The following TAGAP variants were observed in gnomAD, a reference collection of about 807,000 sequenced individuals.
TAGAP encodes T cell activation RhoGTPase activating protein.
A neutral mutation model predicts 36.0 loss-of-function variants in TAGAP; 16 were observed. That is an observed-to-expected ratio of 0.44 (90% CI 0.30 to 0.68). TAGAP has a LOEUF of 0.68. Ranked by LOEUF, TAGAP falls within the 30% of genes least tolerant of loss-of-function variation. The pLI is 0.09. For synonymous variants in TAGAP, 372 were observed against 377.4 expected (o/e 0.99, Z 0.17); for missense variants, 794 against 921.5 (o/e 0.86, Z 1.79).
chr6:159,039,077 A>C (rs760329618), intron 8 of TAGAP, 37 bp downstream of exon 8: 3 of 1,613,376 alleles, frequency 1.9e-6, no homozygotes, highest in Non-Finnish European at 2.5e-6. Flanking sequence ...TGGTGAGATC[A>C]TAAGTTGGGG....
Position 159,040,794 on chromosome 6 carries a change from G to A in TAGAP, c.516C>T (p.Ser172=), listed in dbSNP as rs375154243. The change falls in exon 7 of 10, where the codon AGC becomes AGT. Residue 172 remains serine (S), a synonymous_variant. Coordinates refer to ENST00000367066, the MANE Select transcript of TAGAP (RefSeq NM_054114.5). ...LRSIPRKLLS[S]DLFEEWMGAL... ...CACCCATCCACTCCTCAAAGAGGTC[G>A]CTTGAAAGTAGCTTCCGGGGGATAC... 2.0e-5 allele frequency: 32 copies of A among 1,614,050 alleles called. No homozygotes were observed. The African/African-American group carries it at 2.4e-4, about 12-fold the overall frequency.
In TAGAP at chr6:159,036,211, T is replaced by C; in HGVS notation, c.1812A>G (p.Ala604=). 1 of 1,610,586 alleles carries C rather than the reference T, an allele frequency of 6.2e-7. No homozygotes were observed. Among genetic ancestry groups the C allele is most frequent in the Non-Finnish European group, 8.5e-7 (1 of 1,178,766 alleles). Residue 604 remains alanine, a synonymous_variant, in exon 10 of 10, where the codon GCA becomes GCG. Transcript: ENST00000367066. This position sits in a 1 kb window ranked among gnomAD's most constrained non-coding sequence, Gnocchi z 4.9. ...PSYEEAMQGP[A]ARLVASESQT... is the part of the protein sequence containing the mutation. Reference sequence around the variant, plus strand: ...GGCTCTCGGAGGCCACTAGTCTGGCTGCCGGGCCCTGCATGGCCTCTTCAT... The same window carrying C: ...GGCTCTCGGAGGCCACTAGTCTGGCCGCCGGGCCCTGCATGGCCTCTTCAT...
rs767116709 is a variant in TAGAP at position 159,042,252 on chromosome 6, C to T, written c.149-8G>A. The T allele has an allele frequency of 6.2e-7, 1 of 1,602,040 alleles. No homozygotes were observed. Among genetic ancestry groups the T allele is most frequent in the East Asian group, 2.2e-5 (1 of 44,804 alleles). On this transcript the variant is annotated splice_polypyrimidine_tract_variant and splice_region_variant and intron_variant, in intron 4 of 9. Transcript: ENST00000367066. The stretch of plus-strand genomic sequence containing the variant: ...TCTTTCTCTTCTTAACTTCTACAGC[C>T]AAGAAAACAAGGCAACGAGAAAAAT...
intron 6 of TAGAP, 131 bp from the exon 7 acceptor site, chr6:159,040,963 T>C: frequency 1.5e-6 from 1 of 675,420 alleles, no homozygotes; most frequent in Non-Finnish European, 2.6e-6. Flanking sequence ...CCTTCATTCC[T>C]GCATTTGATG....
In TAGAP at chr6:159,043,637, G is replaced by A. The variant is rs1408272645; in HGVS notation, c.100C>T (p.Pro34Ser). The change falls in exon 4 of 10, where the codon CCC (proline) becomes TCC (serine). Residue 34 changes from proline (P) to serine (S), a missense_variant. By Grantham distance (74) the Pro-to-Ser change is moderately conservative (BLOSUM62 -1). Coordinates refer to ENST00000367066, the MANE Select transcript of TAGAP (RefSeq NM_054114.5). Reference sequence around the variant, plus strand: ...TCACTCTCACATGATGCCAACAGGGGATGTTCCTTGATATCACCCTAAAAA... The same window carrying A: ...TCACTCTCACATGATGCCAACAGGGAATGTTCCTTGATATCACCCTAAAAA... Reference protein sequence around the residue: ...CQSEGDIKEHPLLASCESEDS... With the variant: ...CQSEGDIKEHSLLASCESEDS... 4 of 1,613,886 alleles carry A rather than the reference G, an allele frequency of 2.5e-6. No homozygotes were observed. The African/African-American group carries it at 5.3e-5, about 22-fold the overall frequency.
At chr6:159,040,365 T>C (rs1386952575) in intron 7 of TAGAP, among the ~76,000 whole-genome samples, 1 of 152,206 alleles carries the variant, frequency 6.6e-6, no homozygotes, top group Non-Finnish European at 1.5e-5. Flanking sequence ...AGCTTAAAGA[T>C]AATCCCGAAT....
rs771608749 is a variant in TAGAP at position 159,035,878 on chromosome 6, C to T, written c.2145G>A (p.Gln715=). ...GGAATTGGTCAGCCTCAAAGACCGG[C>T]TGGCTACATCGTCGCACGAGACAGT... is the stretch of plus-strand genomic sequence containing the variant. ...KRDCLVRRCS[Q]PVFEADQFQY... The change falls in exon 10 of 10, where the codon CAG becomes CAA. Residue 715 remains glutamine (Q), a synonymous_variant. Transcript: ENST00000367066. 1 of 1,610,820 alleles carries T rather than the reference C, an allele frequency of 6.2e-7. No homozygotes were observed. The highest frequency in any genetic ancestry group is 8.5e-7 in the Non-Finnish European group (1 of 1,177,234).
rs765437105 is a variant in TAGAP at position 159,036,853 on chromosome 6, G to A, written c.1170C>T (p.Ser390=). The A allele has an allele frequency of 9.9e-6, 16 of 1,614,116 alleles. No homozygotes were observed. The African/African-American group carries it at 2.1e-4, about 22-fold the overall frequency. The stretch of plus-strand genomic sequence containing the variant: ...TTGTTAGTGTTTGGTTTGTCACCCG[G>A]CTCTCGAGGCACTCCTGGGAGGATG... ...SMPSSQECLE[S]RVTNQTLTKS... The change falls in exon 10 of 10, where the codon AGC becomes AGT. Residue 390 remains serine (S), a synonymous_variant. Transcript: ENST00000367066. This position sits in a 1 kb window ranked among gnomAD's most constrained non-coding sequence, Gnocchi z 4.9.
intron 7 of TAGAP, among the ~76,000 whole-genome samples, chr6:159,039,681 A>G (rs796078432): frequency 5.3e-5 from 8 of 152,348 alleles, no homozygotes; most frequent in African/African-American, 1.9e-4. Context: ...TCTGTTTCTA[A>G]CACGACTAGA....
At position 159,035,976 on chromosome 6, in the gene TAGAP, C is replaced by T; in HGVS notation, c.2047G>A (p.Val683Met). Residue 683 changes from valine (V) to methionine (M), a missense_variant, in exon 10 of 10, where the codon GTG (valine) becomes ATG (methionine). Coordinates refer to ENST00000367066, the MANE Select transcript of TAGAP (RefSeq NM_054114.5). ...AGCTCAGGTCTCCCTGGGCCAGACA[C>T]GTGCCCCAGAGAGTCCCCAGAAGCA... is the stretch of plus-strand genomic sequence containing the variant. ...VHASGDSLGH[V>M]SGPGRPELLP... 5.6e-6 allele frequency: 9 copies of T among 1,614,128 alleles called. No individual in the cohort carries two copies. Among genetic ancestry groups the T allele is most frequent in the African/African-American group, 1.3e-5 (1 of 75,028 alleles).
chr6:159,043,810 CTTGA>C (rs1229315593), intron 3 of TAGAP, among the ~76,000 whole-genome samples, 155 bp from the exon 4 acceptor site: 1 of 152,146 alleles, frequency 6.6e-6, no homozygotes, highest in African/African-American at 2.4e-5. Flanking sequence ...ATATTAAGGT[CTTGA>C]TTGTCATCAT....
rs1189844231 is a variant in TAGAP at position 159,041,335 on chromosome 6, G to GC, written c.477+18dup. On this transcript the variant is annotated intron_variant, in intron 6 of 9. Transcript: ENST00000367066. This position sits in a 1 kb window ranked among gnomAD's most constrained non-coding sequence, Gnocchi z 4.1. Reference sequence around the variant, plus strand: ...AGGGCCCCTTGGCAGGTTATTTGGCGCAAGTGTGTTGAACTCACCTTAAAG... The same window carrying GC: ...AGGGCCCCTTGGCAGGTTATTTGGCGCCAAGTGTGTTGAACTCACCTTAAAG... 6.2e-7 allele frequency: 1 copy of GC among 1,610,186 alleles called. No homozygotes were observed. The highest frequency in any genetic ancestry group is 8.5e-7 in the Non-Finnish European group (1 of 1,178,560).
chr6:159,036,729 C>G lies in TAGAP; in HGVS notation c.1294G>C (p.Gly432Arg), dbSNP rs1779551204. Residue 432 changes from glycine (G) to arginine (R), a missense_variant, in exon 10 of 10, where the codon GGC (glycine) becomes CGC (arginine). Coordinates refer to ENST00000367066, the MANE Select transcript of TAGAP (RefSeq NM_054114.5). This position sits in a 1 kb window ranked among gnomAD's most constrained non-coding sequence, Gnocchi z 4.9. Reference sequence around the variant, plus strand: ...AGGTCCACCGGCCTCTTGGTTTTGCCTTGCACTGCAGGGAAGACCTCCTCT... The same window carrying G: ...AGGTCCACCGGCCTCTTGGTTTTGCGTTGCACTGCAGGGAAGACCTCCTCT... ...FPEEVFPAVQGKTKRPVDLKI... is the reference protein window; with the variant it reads ...FPEEVFPAVQRKTKRPVDLKI... 6.2e-7 allele frequency: 1 copy of G among 1,614,102 alleles called. No homozygotes were observed. Among genetic ancestry groups the G allele is most frequent in the South Asian group, 1.1e-5 (1 of 91,090 alleles).
chr6:159,043,842 G>A (rs982031864), intron 3 of TAGAP, 136 bp downstream of exon 3: 4 of 984,298 alleles, frequency 4.1e-6, no homozygotes, highest in Non-Finnish European at 6.2e-6. Flanking sequence ...CCTAATTAAT[G>A]TGCTTAATTT....
In TAGAP at chr6:159,037,146, T is replaced by C. The variant is rs767110568; in HGVS notation, c.899-22A>G. Reference sequence around the variant, plus strand: ...ACATCTGGGGGAAGTCAAGCAGCAGTTGAACATTTGTTTGGGTTTATTTAT... The same window carrying C: ...ACATCTGGGGGAAGTCAAGCAGCAGCTGAACATTTGTTTGGGTTTATTTAT... On this transcript the variant is annotated intron_variant, in intron 9 of 9. Transcript: ENST00000367066. This position sits in a 1 kb window ranked among gnomAD's most constrained non-coding sequence, Gnocchi z 5.1. 5.1e-5 allele frequency: 80 copies of C among 1,558,680 alleles called. No individual in the cohort carries two copies. The Middle Eastern group carries it at 7.1e-4, about 14-fold the overall frequency.
At chr6:159,044,055 G>T in intron 2 of TAGAP, 24 bp from the exon 3 acceptor site, 2 of 1,613,472 alleles carry the variant, frequency 1.2e-6, no homozygotes, top group Non-Finnish European at 1.7e-6. Flanking sequence ...AATAAAATTA[G>T]GTAAATATCT....
chr6:159,035,488 T>A lies in TAGAP; in HGVS notation c.*339A>T. 5.4e-6 allele frequency: 1 copy of A among 185,430 alleles called. No individual in the cohort carries two copies. 11.5% of individuals were successfully genotyped at this position (185,430 alleles called of 1,614,324 possible). A position where few individuals can be genotyped will look rare whatever the true frequency, so the allele number is the denominator to read the frequency against. On this transcript the variant is annotated 3_prime_UTR_variant, in exon 10 of 10. Coordinates refer to ENST00000367066, the MANE Select transcript of TAGAP (RefSeq NM_054114.5). The stretch of plus-strand genomic sequence containing the variant: ...GCCACATTAAAAAAGCGAAGATAAT[T>A]TTTAAACACTAACCAAGAGAAAAGT...
chr6:159,035,539 G>A lies in TAGAP; in HGVS notation c.*288C>T, dbSNP rs1326922472. On this transcript the variant is annotated 3_prime_UTR_variant, in exon 10 of 10. Transcript: ENST00000367066. ...GCCCCAGGAAGCAAGGAACAGCAGT[G>A]TACTTCACTGCAAGTTCAAAACGTG... 2 of 269,526 alleles carry A rather than the reference G, an allele frequency of 7.4e-6. No homozygotes were observed. Among genetic ancestry groups the A allele is most frequent in the Admixed American group, 9.8e-5 (2 of 20,442 alleles). The allele number at this position is 269,526 out of a possible 1,614,324, so 16.7% of individuals were successfully genotyped here.
Position 159,037,668 on chromosome 6 carries a change from T to G in TAGAP, c.898+446A>C, listed in dbSNP as rs1779594489. Among the ~76,000 whole-genome samples the G allele has an allele frequency of 6.6e-6, 1 of 151,908 alleles. No homozygotes were observed. Among genetic ancestry groups the G allele is most frequent in the African/African-American group, 2.4e-5 (1 of 41,330 alleles). On this transcript the variant is annotated intron_variant, in intron 9 of 9. Transcript: ENST00000367066. This position sits in a 1 kb window ranked among gnomAD's most constrained non-coding sequence, Gnocchi z 5.1. ...TCAGAAGAAAAATAGGGAAAGGAAA[T>G]GAGTAAAGGAGGGAGGAAGGAGAGA...
Sources: gnomAD v4.1 joint callset for allele counts (sites outside exome capture counted in the v4.1 genomes callset) on GRCh38, gnomAD v4.1.1 for gene constraint, Gnocchi (gnomAD v3.1) non-coding constraint, MANE v1.5 for transcripts, NCBI Gene and HGNC (gene_info 2026-07-23, HGNC 2026-07-21) for gene names.